Variants in GAK observed in about 807,000 individuals in gnomAD.
GAK encodes cyclin G associated kinase.
Under a neutral mutation model 143.9 loss-of-function variants are expected in GAK, and 79 were observed. The observed-to-expected ratio is 0.55, with a 90% CI of 0.46 to 0.66. The LOEUF (loss-of-function observed/expected upper bound fraction) is 0.66, where lower values mean the gene tolerates loss of function less well. Ranked by LOEUF, GAK falls within the 30% of genes least tolerant of loss-of-function variation. The pLI is 0.00. For synonymous variants in GAK, 881 were observed against 765.5 expected, an observed-to-expected ratio of 1.15 and a Z score of -2.49; for missense variants, 1,693 against 1,779.7, an observed-to-expected ratio of 0.95 and a Z score of 0.88.
intron 19 of GAK, among the ~76,000 whole-genome samples, chr4:870,179 G>T (rs1476787292): frequency 3.3e-5 from 5 of 152,218 alleles, no homozygotes; most frequent in Admixed American, 6.5e-5. Context: ...GGACGCTGAA[G>T]ATGCTCAGAA....
intron 23 of GAK, among the ~76,000 whole-genome samples, chr4:864,827 G>A (rs1340126793): frequency 3.3e-5 from 5 of 152,216 alleles, no homozygotes; most frequent in Admixed American, 6.5e-5. Flanking sequence ...CATCACAGAC[G>A]CAGACGCCCT....
At chr4:877,063 C>G (rs764718179) in intron 17 of GAK, 27 bp downstream of exon 17, 2 of 1,498,472 alleles carry the variant, frequency 1.3e-6, no homozygotes, top group Non-Finnish European at 1.9e-6. Flanking sequence ...GAGTGGGGAG[C>G]ACCGGGCAAG....
chr4:860,495 T>C (rs1047553075), intron 23 of GAK, among the ~76,000 whole-genome samples: 2 of 152,200 alleles, frequency 1.3e-5, no homozygotes, highest in African/African-American at 4.8e-5. Context: ...GAACATGAAA[T>C]GATTCTCAAA....
chr4:913,941 G>A, intron 1 of GAK: 1 of 205,552 alleles, frequency 4.9e-6, no homozygotes, highest in South Asian at 3.2e-5. Context: ...AGCGTGCACG[G>A]CCCCACACAC....
chr4:856,353 A>C (rs1325356319), intron 24 of GAK, among the ~76,000 whole-genome samples: 3 of 99,946 alleles, frequency 3.0e-5, no homozygotes, highest in African/African-American at 4.4e-5. Flanking sequence ...ACCTGCTCAC[A>C]CCTGCTCACC....
chr4:873,355 T>C (rs1713117395), intron 18 of GAK, among the ~76,000 whole-genome samples: 1 of 152,212 alleles, frequency 6.6e-6, no homozygotes. Flanking sequence ...ATTCCCACTT[T>C]AATCCACTGT....
intron 22 of GAK, 110 bp downstream of exon 22, chr4:866,254 A>G: frequency 8.6e-7 from 1 of 1,162,080 alleles, no homozygotes; most frequent in Non-Finnish European, 1.2e-6. Context: ...CGGAGGCCAC[A>G]CAGTCCAGCC....
chr4:920,545 T>A (rs1386254407), intron 1 of GAK, among the ~76,000 whole-genome samples: 4 of 145,814 alleles, frequency 2.7e-5, no homozygotes, highest in East Asian at 4.0e-4. Context: ...AGCCATTTTT[T>A]TTTTTTTTTT....
At chr4:913,283 C>T (rs1282102251) in intron 2 of GAK, among the ~76,000 whole-genome samples, 1 of 152,240 alleles carries the variant, frequency 6.6e-6, no homozygotes, top group Non-Finnish European at 1.5e-5. Flanking sequence ...TTTTTACAAG[C>T]AGCTTTTAAA....
At chr4:882,652 G>C (rs1474346276) in intron 14 of GAK, 45 bp downstream of exon 14, 3 of 1,599,806 alleles carry the variant, frequency 1.9e-6, no homozygotes, top group Non-Finnish European at 2.5e-6. Flanking sequence ...ATGAAATAAT[G>C]AACTTTGACA....
chr4:864,478 C>T (rs1163147965), intron 23 of GAK, among the ~76,000 whole-genome samples: 1 of 152,218 alleles, frequency 6.6e-6, no homozygotes, highest in Non-Finnish European at 1.5e-5. Flanking sequence ...GGTCTGGAAG[C>T]AAACCCGCGA....
chr4:882,607 C>T, intron 14 of GAK, 90 bp downstream of exon 14: 1 of 1,504,678 alleles, frequency 6.6e-7, no homozygotes, highest in South Asian at 1.2e-5. Flanking sequence ...CAGGCCCCAG[C>T]TCATGACTGG....
chr4:868,068 C>A (rs915299149), intron 20 of GAK, among the ~76,000 whole-genome samples: 1 of 152,202 alleles, frequency 6.6e-6, no homozygotes, highest in African/African-American at 2.4e-5. Context: ...GTGGCAGGTG[C>A]ATCCCTTGGG....
chr4:880,586 T>C (rs537388353), intron 15 of GAK, among the ~76,000 whole-genome samples: 1 of 152,222 alleles, frequency 6.6e-6, no homozygotes, highest in East Asian at 1.9e-4. Context: ...CCCTGAAGGC[T>C]TCACTCGCCC....
chr4:880,702 C>T (rs1475333180), intron 15 of GAK, among the ~76,000 whole-genome samples: 2 of 152,220 alleles, frequency 1.3e-5, no homozygotes, highest in Non-Finnish European at 2.9e-5. Flanking sequence ...CTCCCACAGG[C>T]ACCTGACTCT....
At chr4:876,381 C>T in intron 18 of GAK, 149 bp downstream of exon 18, 1 of 674,660 alleles carries the variant, frequency 1.5e-6, no homozygotes, top group Admixed American at 2.3e-5. Flanking sequence ...CGCGCAGCTC[C>T]AGGATGGCCC....
intron 23 of GAK, among the ~76,000 whole-genome samples, 173 bp from the exon 24 acceptor site, chr4:859,895 C>T (rs966086246): frequency 3.9e-5 from 6 of 152,136 alleles, no homozygotes; most frequent in African/African-American, 1.2e-4. Context: ...GTGTGGCGGA[C>T]GCTGCCTCCA....
chr4:850,125 C>T (rs555136757), intron 26 of GAK, 57 bp from the exon 27 acceptor site: 2 of 1,478,258 alleles, frequency 1.4e-6, no homozygotes, highest in South Asian at 2.6e-5. Flanking sequence ...TCCTCCTCTG[C>T]ACCGCGGAAA....
At chr4:922,310 T>C (rs922457881) in intron 1 of GAK, among the ~76,000 whole-genome samples, 5 of 151,462 alleles carry the variant, frequency 3.3e-5, no homozygotes, top group South Asian at 2.1e-4. Flanking sequence ...AGGTCGTGAG[T>C]TTGAGACCAA....
Sources: allele counts gnomAD v4.1 joint callset (sites outside exome capture counted in the v4.1 genomes callset), GRCh38; gene constraint gnomAD v4.1.1; transcripts MANE v1.5; gene names NCBI Gene and HGNC (gene_info 2026-07-23, HGNC 2026-07-21).